Variants in CAT observed in about 807,000 individuals in gnomAD.
The protein encoded by CAT is epididymis secretory sperm binding protein.
Under a neutral mutation model 59.0 loss-of-function variants are expected in CAT, and 43 were observed. That is an observed-to-expected ratio of 0.73 (90% CI 0.57 to 0.94). The LOEUF (loss-of-function observed/expected upper bound fraction) is 0.94, where lower values mean the gene tolerates loss of function less well. Among genes scored for constraint, CAT ranks in the 40% least tolerant of loss-of-function variants. CAT has a pLI of 0.00. For missense variants in CAT, 664 were observed against 682.9 expected (o/e 0.97, Z 0.31); for synonymous variants, 218 against 230.9 (o/e 0.94, Z 0.51).
intron 11 of CAT, among the ~76,000 whole-genome samples, chr11:34,468,692 A>G (rs755764483): frequency 1.3e-5 from 2 of 152,182 alleles, no homozygotes; most frequent in Non-Finnish European, 2.9e-5. Flanking sequence ...TCTGTGCAAG[A>G]TAGTAAATGT....
chr11:34,465,103 A>G (rs930726785), intron 10 of CAT, among the ~76,000 whole-genome samples: 3 of 152,166 alleles, frequency 2.0e-5, no homozygotes, highest in African/African-American at 7.2e-5. Flanking sequence ...TGCCTCCTTA[A>G]TGTGTCCAGT....
intron 1 of CAT, among the ~76,000 whole-genome samples, chr11:34,440,937 G>A (rs1190839900): frequency 6.6e-6 from 1 of 152,202 alleles, no homozygotes; most frequent in Non-Finnish European, 1.5e-5. Context: ...AGTCCCTGCT[G>A]TTGATTTACC....
At chr11:34,439,851 A>G (rs1856366334) in intron 1 of CAT, among the ~76,000 whole-genome samples, 2 of 152,202 alleles carry the variant, frequency 1.3e-5, no homozygotes, top group Non-Finnish European at 2.9e-5. Context: ...TGAGGGCTCT[A>G]ATAGAGGTTA....
At chr11:34,458,387 A>G (rs1334074609) in intron 8 of CAT, among the ~76,000 whole-genome samples, 1 of 152,204 alleles carries the variant, frequency 6.6e-6, no homozygotes, top group African/African-American at 2.4e-5. Flanking sequence ...GGTCTGGGAT[A>G]TATTGAGTAG....
chr11:34,459,388 T>C (rs1856624807), intron 8 of CAT, among the ~76,000 whole-genome samples: 1 of 152,142 alleles, frequency 6.6e-6, no homozygotes, highest in Non-Finnish European at 1.5e-5. Context: ...TTTAACAAGG[T>C]CATGTTATTA....
At chr11:34,445,983 C>T (rs751385505) in intron 1 of CAT, among the ~76,000 whole-genome samples, 5 of 152,104 alleles carry the variant, frequency 3.3e-5, no homozygotes, top group Non-Finnish European at 5.9e-5. Flanking sequence ...AGATAACTTG[C>T]GTGGTCCGTT....
chr11:34,449,171 T>G (rs1038894639), intron 1 of CAT, 21 bp from the exon 2 acceptor site: 2 of 1,612,168 alleles, frequency 1.2e-6, no homozygotes, highest in Non-Finnish European at 1.7e-6. Context: ...TCTCCTGCAC[T>G]TTCTTTCTGT....
At chr11:34,443,715 C>A (rs1336432936) in intron 1 of CAT, among the ~76,000 whole-genome samples, 1 of 152,066 alleles carries the variant, frequency 6.6e-6, no homozygotes, top group East Asian at 1.9e-4. Flanking sequence ...TCTCTTATTA[C>A]CTGGGAGAGA....
At chr11:34,445,074 C>T (rs576830012) in intron 1 of CAT, among the ~76,000 whole-genome samples, 7 of 152,066 alleles carry the variant, frequency 4.6e-5, no homozygotes, top group South Asian at 4.1e-4. Context: ...TCATATTGGT[C>T]CGTGGTTTAG....
In CAT at chr11:34,454,006, T is replaced by C. The variant is rs969899886; in HGVS notation, c.711+80T>C. The C allele has an allele frequency of 1.7e-4, 250 of 1,472,886 alleles. 4 individuals carry two copies. The South Asian group carries it at 2.5e-3, about 15-fold the overall frequency. The allele number at this position is 1,472,886 out of a possible 1,614,324, so 91.2% of individuals were successfully genotyped here. On this transcript the variant is annotated intron_variant, in intron 6 of 12. Coordinates refer to ENST00000241052, the MANE Select transcript of CAT (RefSeq NM_001752.4). ...TTTTTCCTGAAGGATTGAGCAAAGATTAAGGCTTCTCCCACTTTTCCCTCA... is the reference window on the plus strand; with the variant it reads ...TTTTTCCTGAAGGATTGAGCAAAGACTAAGGCTTCTCCCACTTTTCCCTCA...
At chr11:34,451,141 T>G (rs771906178) in intron 3 of CAT, 43 bp downstream of exon 3, 1 of 1,132,544 alleles carries the variant, frequency 8.8e-7, no homozygotes, top group Non-Finnish European at 1.4e-6. Flanking sequence ...TTAACTCAAC[T>G]TCACCTTTTG....
At chr11:34,465,946 T>A (rs926663231) in intron 10 of CAT, among the ~76,000 whole-genome samples, 5 of 152,224 alleles carry the variant, frequency 3.3e-5, no homozygotes, top group African/African-American at 9.6e-5. Context: ...GAAGTAAGCT[T>A]GACATTTGGT....
chr11:34,471,577 G>T lies in CAT; in HGVS notation c.*144G>T, dbSNP rs1856773582. On this transcript the variant is annotated 3_prime_UTR_variant, in exon 13 of 13. Coordinates refer to ENST00000241052, the MANE Select transcript of CAT (RefSeq NM_001752.4). ...AGAATCCCACTTTCTATAGCAGATT[G>T]TGTAACAATTTTAATGCTATTTCCC... The T allele has an allele frequency of 2.8e-6, 2 of 716,176 alleles. No individual in the cohort carries two copies. The highest frequency in any genetic ancestry group is 4.1e-5 in the Admixed American group (2 of 48,818). 44.4% of individuals were successfully genotyped at this position (716,176 alleles called of 1,614,324 possible). A position where few individuals can be genotyped will look rare whatever the true frequency, so the allele number is the denominator to read the frequency against.
At position 34,438,955 on chromosome 11, in the gene CAT, A is replaced by T; in HGVS notation, c.-59A>T. On this transcript the variant is annotated 5_prime_UTR_variant, in exon 1 of 13. Coordinates refer to ENST00000241052, the MANE Select transcript of CAT (RefSeq NM_001752.4). ...GGGCAACAGGCAGATTTGCCTGCTGAGGGTGGAGACCCACGAGCCGAGGCC... is the reference window on the plus strand; with the variant it reads ...GGGCAACAGGCAGATTTGCCTGCTGTGGGTGGAGACCCACGAGCCGAGGCC... 6.9e-7 allele frequency: 1 copy of T among 1,451,412 alleles called. No individual in the cohort carries two copies. Among genetic ancestry groups the T allele is most frequent in the South Asian group, 1.2e-5 (1 of 82,292 alleles). The allele number at this position is 1,451,412 out of a possible 1,614,324, so 89.9% of individuals were successfully genotyped here.
rs752041214 is a variant in CAT, at chr11:34,439,055, C to G, written c.42C>G (p.His14Gln). ...SRDPASDQMQ[H>Q]WKEQRAAQKA... is the part of the protein sequence containing the mutation. Reference sequence around the variant, plus strand: ...ATCCCGCCAGCGACCAGATGCAGCACTGGAAGGAGCAGCGGGCCGCGCAGG... The same window carrying G: ...ATCCCGCCAGCGACCAGATGCAGCAGTGGAAGGAGCAGCGGGCCGCGCAGG... Residue 14 changes from histidine (H) to glutamine (Q), a missense_variant, in exon 1 of 13, where the codon CAC becomes CAG. Physicochemically the swap from His to Gln is conservative, Grantham distance 24. Coordinates refer to ENST00000241052, the MANE Select transcript of CAT (RefSeq NM_001752.4). The G allele has an allele frequency of 1.9e-6, 3 of 1,598,310 alleles. No individual in the cohort carries two copies. The highest frequency in any genetic ancestry group is 2.6e-6 in the Non-Finnish European group (3 of 1,172,594).
At chr11:34,454,076 C>T (rs1185233406) in intron 6 of CAT, 150 bp downstream of exon 6, 3 of 783,510 alleles carry the variant, frequency 3.8e-6, no homozygotes, top group Non-Finnish European at 6.1e-6. Flanking sequence ...TTGATCAGTA[C>T]TGATTTTGTT....
chr11:34,461,910 G>A (rs1271571605), intron 9 of CAT, among the ~76,000 whole-genome samples: 2 of 152,238 alleles, frequency 1.3e-5, no homozygotes, highest in Non-Finnish European at 2.9e-5. Context: ...GGAGAAGAGA[G>A]TAGGGGAGGC....
In CAT at chr11:34,461,409, G is replaced by A; in HGVS notation, c.1195+20G>A. 1 of 1,614,036 alleles carries A rather than the reference G, an allele frequency of 6.2e-7. No individual in the cohort carries two copies. Among genetic ancestry groups the A allele is most frequent in the Non-Finnish European group, 8.5e-7 (1 of 1,179,968 alleles). ...ATCAGGGTAGGCCTAAAGACGTTGG[G>A]CTCCCCCTGCGTGGGCAGAGGGCAC... On this transcript the variant is annotated intron_variant, in intron 9 of 12. Coordinates refer to ENST00000241052, the MANE Select transcript of CAT (RefSeq NM_001752.4).
intron 7 of CAT, 50 bp downstream of exon 7, chr11:34,456,252 C>T (rs750540829): frequency 4.3e-6 from 6 of 1,403,494 alleles, no homozygotes; most frequent in Middle Eastern, 3.6e-4. Context: ...CTCTTCTTAC[C>T]TAATTAGAAA....
Sources: gnomAD v4.1 joint callset for allele counts (sites outside exome capture counted in the v4.1 genomes callset) on GRCh38, gnomAD v4.1.1 for gene constraint, MANE v1.5 for transcripts, NCBI Gene and HGNC (gene_info 2026-07-23, HGNC 2026-07-21) for gene names.